Variants in CASP8 observed in about 807,000 individuals in gnomAD.
CASP8 encodes caspase 8, also known as caspase-8.
Under a neutral mutation model 46.3 loss-of-function variants are expected in CASP8, and 24 were observed. The observed-to-expected ratio is 0.52, with a 90% confidence interval of 0.38 to 0.73. The LOEUF (loss-of-function observed/expected upper bound fraction) is 0.73. Among genes scored for constraint, CASP8 ranks in the 30% least tolerant of loss-of-function variants. The pLI is 0.00. For synonymous variants in CASP8, 188 were observed against 200.4 expected, an observed-to-expected ratio of 0.94 and a Z score of 0.52; for missense variants, 460 against 559.0, an observed-to-expected ratio of 0.82 and a Z score of 1.79.
At position 201,266,324 on chromosome 2, in the gene CASP8, T is replaced by A. The variant is rs1947826058; in HGVS notation, c.-26-137T>A. On this transcript the variant is annotated intron_variant, in intron 1 of 8. Transcript: ENST00000673742. The surrounding 1 kb of genome is among the most constrained non-coding windows in gnomAD (Gnocchi z 5.7). ...ACCTTCCTAAACAGTAAGAGGGAAC[T>A]TGTCTGGTGTTCTTTTTTTCTCTCC... The A allele has an allele frequency of 4.3e-6, 3 of 694,760 alleles. No individual in the cohort carries two copies. The highest frequency in any genetic ancestry group is 7.4e-6 in the Non-Finnish European group (3 of 404,216). The allele number at this position is 694,760 out of a possible 1,614,324, so 43.0% of individuals were successfully genotyped here. A position where few individuals can be genotyped will look rare whatever the true frequency, so the allele number is the denominator to read the frequency against.
At chr2:201,277,702 AT>A (rs60513589) in intron 7 of CASP8, 84,614 of 373,856 alleles carry the variant, frequency 0.23, 713 homozygotes, top group South Asian at 0.3. Flanking sequence ...CCCTATTAAC[AT>A]TTTTTTTTTT....
intron 7 of CASP8, among the ~76,000 whole-genome samples, chr2:201,281,482 A>G (rs973033043): frequency 1.3e-5 from 2 of 152,184 alleles, no homozygotes; most frequent in Non-Finnish European, 2.9e-5. Flanking sequence ...ATGGAGCTCA[A>G]TGTGGAAAAA....
chr2:201,281,702 A>T, intron 7 of CASP8: 1 of 447,352 alleles, frequency 2.2e-6, no homozygotes, highest in Non-Finnish European at 4.0e-6. Flanking sequence ...TTTTCTGATT[A>T]TGTAAATAAT....
intron 7 of CASP8, among the ~76,000 whole-genome samples, chr2:201,281,020 A>AAT (rs1257785922): frequency 6.6e-6 from 1 of 152,212 alleles, no homozygotes; most frequent in East Asian, 1.9e-4. Context: ...TAATAATAGA[A>AAT]ATATTACTAT....
rs549120260 is a variant in CASP8, at chr2:201,287,258, T to A, written c.*664T>A. 1.1e-4 allele frequency: 17 copies of A among 153,596 alleles called. No individual in the cohort carries two copies. The highest frequency in any genetic ancestry group is 4.1e-4 in the African/African-American group (17 of 41,558). The allele number at this position is 153,596 out of a possible 1,614,324, so 9.5% of individuals were successfully genotyped here. A position where few individuals can be genotyped will look rare whatever the true frequency, so the allele number is the denominator to read the frequency against. On this transcript the variant is annotated 3_prime_UTR_variant, in exon 9 of 9. Transcript: ENST00000673742. ...TTAAAAAAATTAGAAAGTAGCCACG[T>A]ATGGTGGCTCATGTCTATAATCCCA...
chr2:201,264,822 C>T (rs1349625410), intron 1 of CASP8, among the ~76,000 whole-genome samples: 9 of 152,042 alleles, frequency 5.9e-5, no homozygotes, highest in Middle Eastern at 6.8e-3. Flanking sequence ...CAGAGTGAGA[C>T]CCTGTCTCAA....
At chr2:201,234,142 G>A (rs1421732283) in intron 2 of CASP8, 2 of 152,470 alleles carry the variant, frequency 1.3e-5, no homozygotes, top group Non-Finnish European at 2.9e-5. Flanking sequence ...AGGAGGTTTG[G>A]GGGAAAGAGA....
intron 1 of CASP8, among the ~76,000 whole-genome samples, chr2:201,264,156 C>T (rs2125120167): frequency 6.6e-6 from 1 of 152,224 alleles, no homozygotes; most frequent in Middle Eastern, 3.4e-3. Flanking sequence ...AATAGAGTTC[C>T]CTGGAATATG....
At chr2:201,249,422 T>C (rs1946676596) in intron 2 of CASP8, among the ~76,000 whole-genome samples, 1 of 152,206 alleles carries the variant, frequency 6.6e-6, no homozygotes, top group Non-Finnish European at 1.5e-5. Context: ...TTAAGAACAG[T>C]TTCAGGTTTA....
intron 2 of CASP8, among the ~76,000 whole-genome samples, chr2:201,271,292 T>C (rs1029982073): frequency 3.3e-5 from 5 of 151,104 alleles, no homozygotes; most frequent in Non-Finnish European, 7.4e-5. Flanking sequence ...GAAAGAAAAG[T>C]TGATAGAACT....
intron 7 of CASP8, among the ~76,000 whole-genome samples, chr2:201,279,059 G>A (rs908809883): frequency 6.6e-6 from 1 of 152,096 alleles, no homozygotes; most frequent in Non-Finnish European, 1.5e-5. Flanking sequence ...AGGGGAACAC[G>A]GAAAGGAGGC....
chr2:201,286,687 C>G lies in CASP8; in HGVS notation c.*93C>G, dbSNP rs1241696319. ...CTGGAGTGCAGTGGCGTGATCTCGG[C>G]TCACCGCAAGCTCCGCCTCCCGGGT... On this transcript the variant is annotated 3_prime_UTR_variant, in exon 9 of 9. Coordinates refer to ENST00000673742, the MANE Select transcript of CASP8 (RefSeq NM_001372051.1). The G allele has an allele frequency of 5.4e-6, 6 of 1,120,956 alleles. No homozygotes were observed. Among genetic ancestry groups the G allele is most frequent in the Non-Finnish European group, 6.5e-6 (5 of 768,036 alleles). 69.4% of individuals were successfully genotyped at this position (1,120,956 alleles called of 1,614,324 possible).
chr2:201,286,667 G>A lies in CASP8; in HGVS notation c.*73G>A, dbSNP rs2125514142. 7.6e-7 allele frequency: 1 copy of A among 1,314,172 alleles called. No individual in the cohort carries two copies. Among genetic ancestry groups the A allele is most frequent in the Non-Finnish European group, 1.1e-6 (1 of 933,248 alleles). 81.4% of individuals were successfully genotyped at this position (1,314,172 alleles called of 1,614,324 possible). A position where few individuals can be genotyped will look rare whatever the true frequency, so the allele number is the denominator to read the frequency against. On this transcript the variant is annotated 3_prime_UTR_variant, in exon 9 of 9. Transcript: ENST00000673742. ...ATCTCGCTCTGTCGCCCAGGCTGGA[G>A]TGCAGTGGCGTGATCTCGGCTCACC...
chr2:201,268,795 G>C (rs1028274144), intron 2 of CASP8, among the ~76,000 whole-genome samples: 3 of 152,090 alleles, frequency 2.0e-5, no homozygotes, highest in Admixed American at 6.6e-5. Context: ...TTGTCTTGTA[G>C]ATGAGGCACA....
chr2:201,285,356 A>G (rs1949505902), intron 8 of CASP8, 39 bp downstream of exon 8: 2 of 1,608,316 alleles, frequency 1.2e-6, no homozygotes, highest in African/African-American at 1.3e-5. Flanking sequence ...CTGTTACACT[A>G]CCTTCCCCCC....
At chr2:201,248,784 T>A (rs759825876) in intron 2 of CASP8, among the ~76,000 whole-genome samples, 3 of 152,226 alleles carry the variant, frequency 2.0e-5, no homozygotes, top group Non-Finnish European at 4.4e-5. Flanking sequence ...TCTAAAATGG[T>A]CCTGTTGGTG....
chr2:201,267,591 G>T (rs972333647), intron 2 of CASP8, among the ~76,000 whole-genome samples: 3 of 152,208 alleles, frequency 2.0e-5, no homozygotes, highest in African/African-American at 7.2e-5. Flanking sequence ...AACCAAAGGT[G>T]TGAGAGAGAA....
At chr2:201,281,149 A>C (rs2125380657) in intron 7 of CASP8, among the ~76,000 whole-genome samples, 1 of 152,126 alleles carries the variant, frequency 6.6e-6, no homozygotes, top group South Asian at 2.1e-4. Flanking sequence ...CCCTGTCTCT[A>C]CTAAAAATAC....
intron 8 of CASP8, among the ~76,000 whole-genome samples, chr2:201,286,159 T>C (rs892405830): frequency 1.3e-5 from 2 of 152,198 alleles, no homozygotes; most frequent in Non-Finnish European, 2.9e-5. Flanking sequence ...GGGAGCCAAG[T>C]AACGTGGAGA....
Sources: gnomAD v4.1 joint callset for allele counts (sites outside exome capture counted in the v4.1 genomes callset) on GRCh38, gnomAD v4.1.1 for gene constraint, Gnocchi (gnomAD v3.1) non-coding constraint, MANE v1.5 for transcripts, NCBI Gene and HGNC (gene_info 2026-07-23, HGNC 2026-07-21) for gene names.